CPVL: variants seen among roughly 807,000 people sequenced by gnomAD.
CPVL encodes carboxypeptidase vitellogenic like, also known as probable serine carboxypeptidase CPVL.
A neutral mutation model predicts 63.7 loss-of-function variants in CPVL; 51 were observed. The observed-to-expected ratio is 0.80, with a 90% CI of 0.64 to 1.01. CPVL has a LOEUF of 1.01. Ranked by LOEUF, CPVL falls within the 50% of genes least tolerant of loss-of-function variation. The pLI is 0.00. For synonymous variants in CPVL, 195 were observed against 206.0 expected, an observed-to-expected ratio of 0.95 and a Z score of 0.46; for missense variants, 530 against 573.1, an observed-to-expected ratio of 0.92 and a Z score of 0.77.
chr7:29,121,703 G>A (rs749359125), intron 1 of CPVL, among the ~76,000 whole-genome samples: 3 of 152,188 alleles, frequency 2.0e-5, no homozygotes, highest in South Asian at 2.1e-4. Context: ...TCATGGGTGG[G>A]TGGAAACAGC....
upstream of CPVL, chr7:29,146,849 GACTT>G: frequency 6.4e-7 from 1 of 1,551,030 alleles, no homozygotes; most frequent in Non-Finnish European, 8.7e-7. Context: ...TGCACTCTAG[GACTT>G]ACTTGCAAGC....
intron 5 of CPVL, among the ~76,000 whole-genome samples, chr7:29,155,839 G>A (rs10256795): frequency 0.34 from 50,977 of 151,832 alleles, 8,802 homozygotes; most frequent in Non-Finnish European, 0.38. Flanking sequence ...CTGGAAAGGC[G>A]AGGACATTTC....
intron 1 of CPVL, among the ~76,000 whole-genome samples, chr7:29,141,099 G>A (rs1380398423): frequency 2.0e-5 from 3 of 152,306 alleles, no homozygotes; most frequent in East Asian, 1.9e-4. Flanking sequence ...ACAACCAATT[G>A]TGCAATGTGC....
rs371059469 is a variant in CPVL at position 29,030,600 on chromosome 7, G to T, written c.1297C>A (p.Arg433=). 1.2e-6 allele frequency: 2 copies of T among 1,612,692 alleles called. No homozygotes were observed. Among genetic ancestry groups the T allele is most frequent in the South Asian group, 2.2e-5 (2 of 90,752 alleles). ...ACCTGATGGAAGTCACCCGCTTGCC[G>T]GATGTAACCAGCCACTTCACTGTCA... is the stretch of plus-strand genomic sequence containing the variant. ...KSDSEVAGYI[R]QAGDFHQVII... The change falls in exon 12 of 13, where the codon CGG becomes AGG. Residue 433 remains arginine, a synonymous_variant. Transcript: ENST00000265394.
intron 2 of CPVL, among the ~76,000 whole-genome samples, chr7:29,118,966 C>T (rs934650397): frequency 2.0e-5 from 3 of 152,128 alleles, no homozygotes; most frequent in African/African-American, 2.4e-5. Context: ...CAAACCAATT[C>T]CCCACTCATC....
At chr7:29,189,665 AACTC>A (rs1314460561) in intron 1 of CPVL, among the ~76,000 whole-genome samples, 5 of 149,848 alleles carry the variant, frequency 3.3e-5, no homozygotes, top group African/African-American at 9.9e-5. Context: ...CAGAAAGAAA[AACTC>A]TCTCTCTCTC....
intron 12 of CPVL, among the ~76,000 whole-genome samples, chr7:28,998,006 T>TGTAGAAGCTTGCAACTG (rs1361280694): frequency 6.6e-6 from 1 of 152,200 alleles, no homozygotes; most frequent in Non-Finnish European, 1.5e-5. Flanking sequence ...CTACCATTTG[T>TGTAGAAGCTTGCAACTG]GTAGAAGCTT....
At chr7:29,170,245 CTTCTT>C (rs1394079608) in intron 5 of CPVL, among the ~76,000 whole-genome samples, 1 of 152,202 alleles carries the variant, frequency 6.6e-6, no homozygotes, top group Admixed American at 6.6e-5. Flanking sequence ...TGATGAAACT[CTTCTT>C]TTGTTTTAAT....
chr7:29,015,128 G>C (rs547157059), intron 12 of CPVL, among the ~76,000 whole-genome samples: 1 of 152,322 alleles, frequency 6.6e-6, no homozygotes, highest in South Asian at 2.1e-4. Flanking sequence ...AGCTGTGGTC[G>C]TTACTGCTTT....
rs184830174 is a variant in CPVL at position 29,083,286 on chromosome 7, T to C, written c.609+3198A>G. Among the ~76,000 whole-genome samples, 296 of 152,366 alleles carry C rather than the reference T, an allele frequency of 1.9e-3. 1 individual carries two copies. The highest frequency in any genetic ancestry group is 6.0e-3 in the African/African-American group (248 of 41,584). On this transcript the variant is annotated intron_variant, in intron 7 of 12. Coordinates refer to ENST00000265394, the MANE Select transcript of CPVL (RefSeq NM_031311.5). ...CATCTTTACAGCCCTTCCTCTGGCA[T>C]CATCACTTGGATCTTCCTCTGGAGA...
intron 7 of CPVL, among the ~76,000 whole-genome samples, chr7:29,083,876 A>G (rs1462516760): frequency 6.6e-6 from 1 of 151,848 alleles, no homozygotes; most frequent in Non-Finnish European, 1.5e-5. Flanking sequence ...TGAGGTAGCT[A>G]CTGGTACCTT....
chr7:29,074,099 G>A (rs1784005761), intron 7 of CPVL, among the ~76,000 whole-genome samples: 1 of 152,164 alleles, frequency 6.6e-6, no homozygotes, highest in Non-Finnish European at 1.5e-5. Flanking sequence ...AGGACACTGA[G>A]GCTCAGAGAG....
At chr7:29,085,116 G>C (rs1324656519) in intron 7 of CPVL, among the ~76,000 whole-genome samples, 2 of 152,202 alleles carry the variant, frequency 1.3e-5, no homozygotes, top group African/African-American at 4.8e-5. Context: ...CATCCCAGCA[G>C]CAATGGGCCA....
chr7:29,195,101 C>T lies in CPVL; in HGVS notation c.-472G>A, dbSNP rs977434120. Reference sequence around the variant, plus strand: ...CCTGTGGCCATCCCGCCCGCTCTCTCGGAATGGGGGCAGGCGTCCGGGGTG... The same window carrying T: ...CCTGTGGCCATCCCGCCCGCTCTCTTGGAATGGGGGCAGGCGTCCGGGGTG... On this transcript the variant is annotated 5_prime_UTR_variant, in exon 1 of 17. Transcript: ENST00000409850. The T allele has an allele frequency of 1.1e-5, 13 of 1,206,012 alleles. No individual in the cohort carries two copies. The Admixed American group carries it at 1.9e-4, about 18-fold the overall frequency. 74.7% of individuals were successfully genotyped at this position (1,206,012 alleles called of 1,614,324 possible).
chr7:29,038,509 G>A (rs2128161225), intron 11 of CPVL, among the ~76,000 whole-genome samples: 1 of 152,298 alleles, frequency 6.6e-6, no homozygotes, highest in African/African-American at 2.4e-5. Flanking sequence ...ACAGCAGCCT[G>A]AACTAAGACA....
chr7:29,140,318 T>C (rs576482759), intron 1 of CPVL, among the ~76,000 whole-genome samples: 1 of 152,312 alleles, frequency 6.6e-6, no homozygotes, highest in East Asian at 1.9e-4. Flanking sequence ...CACTCTTCTA[T>C]ACAAATAGTT....
At chr7:29,010,900 AG>A (rs2128134593) in intron 12 of CPVL, 1 of 152,262 alleles carries the variant, frequency 6.6e-6, no homozygotes, top group Admixed American at 6.5e-5. Context: ...TTCACAGGTG[AG>A]GGGGTTCTTG....
At chr7:29,088,088 A>G (rs1243258987) in intron 6 of CPVL, among the ~76,000 whole-genome samples, 1 of 152,204 alleles carries the variant, frequency 6.6e-6, no homozygotes, top group African/African-American at 2.4e-5. Flanking sequence ...GTAAATCTCA[A>G]TTAAGCCTTT....
At chr7:29,126,023 T>C (rs1402907207) in intron 1 of CPVL, among the ~76,000 whole-genome samples, 1 of 152,190 alleles carries the variant, frequency 6.6e-6, no homozygotes, top group Non-Finnish European at 1.5e-5. Context: ...GAGTCAGTTG[T>C]TCAACAGAGC....
Sources: allele counts gnomAD v4.1 joint callset (sites outside exome capture counted in the v4.1 genomes callset), GRCh38; gene constraint gnomAD v4.1.1; transcripts MANE v1.5; gene names NCBI Gene and HGNC (gene_info 2026-07-23, HGNC 2026-07-21).